Variants in NAT1 observed in about 807,000 individuals in gnomAD.
NAT1 encodes the protein N-acetyltransferase 1.
For missense variants in NAT1, 400 were observed against 339.2 expected, an observed-to-expected ratio of 1.18 and a Z score of -1.41; for synonymous variants, 144 against 122.6, an observed-to-expected ratio of 1.17 and a Z score of -1.16.
At chr8:18,204,574 A>G (rs985021523) in intron 2 of NAT1, among the ~76,000 whole-genome samples, 7 of 152,212 alleles carry the variant, frequency 4.6e-5, no homozygotes, top group African/African-American at 1.4e-4. Flanking sequence ...AGAACAAAAT[A>G]TATTTCAATC....
chr8:18,215,184 C>T (rs1254444498), intron 1 of NAT1, among the ~76,000 whole-genome samples: 1 of 152,148 alleles, frequency 6.6e-6, no homozygotes, highest in East Asian at 1.9e-4. Flanking sequence ...TGTATAAGTG[C>T]CACATTTTCT....
chr8:18,211,869 G>T (rs1804142993), intron 1 of NAT1, among the ~76,000 whole-genome samples: 1 of 152,178 alleles, frequency 6.6e-6, no homozygotes, highest in Non-Finnish European at 1.5e-5. Flanking sequence ...CCACTCATTG[G>T]CTCTCCTTGT....
chr8:18,218,087 T>A (rs1162191537), intron 1 of NAT1, among the ~76,000 whole-genome samples: 2 of 152,176 alleles, frequency 1.3e-5, no homozygotes, highest in African/African-American at 4.8e-5. Context: ...CTGGGGAAGC[T>A]AAAAGGAGTT....
At chr8:18,212,656 C>G (rs1250874470) in intron 1 of NAT1, 1 of 152,328 alleles carries the variant, frequency 6.6e-6, no homozygotes, top group African/African-American at 2.4e-5. Flanking sequence ...GGCAAAGCAG[C>G]TTCAGGAGCC....
chr8:18,173,984 T>C (rs991654362), intron 2 of NAT1, among the ~76,000 whole-genome samples: 9 of 152,134 alleles, frequency 5.9e-5, no homozygotes, highest in South Asian at 2.1e-4. Flanking sequence ...AGACAGTCTA[T>C]TGAGATGGAT....
intron 2 of NAT1, among the ~76,000 whole-genome samples, chr8:18,186,041 G>C (rs1802719144): frequency 1.3e-5 from 2 of 152,080 alleles, no homozygotes; most frequent in East Asian, 3.9e-4. Flanking sequence ...TTTGGAACTG[G>C]TTAACACTTG....
At chr8:18,179,275 T>A (rs1041920792) in intron 2 of NAT1, among the ~76,000 whole-genome samples, 11 of 152,164 alleles carry the variant, frequency 7.2e-5, no homozygotes, top group Admixed American at 7.2e-4. Flanking sequence ...TACTACATAA[T>A]CATTCACTTG....
At chr8:18,182,785 G>C (rs556525188) in intron 2 of NAT1, among the ~76,000 whole-genome samples, 2 of 151,974 alleles carry the variant, frequency 1.3e-5, no homozygotes, top group Non-Finnish European at 2.9e-5. Context: ...AAAAGTGTTG[G>C]GATTTAGATG....
At chr8:18,174,464 T>C (rs1802213100) in intron 2 of NAT1, among the ~76,000 whole-genome samples, 2 of 152,116 alleles carry the variant, frequency 1.3e-5, no homozygotes, top group Non-Finnish European at 2.9e-5. Flanking sequence ...TTCATAAAGA[T>C]ATTCAAGGAT....
At chr8:18,196,318 T>C (rs1272532775) in intron 2 of NAT1, among the ~76,000 whole-genome samples, 1 of 151,674 alleles carries the variant, frequency 6.6e-6, no homozygotes, top group African/African-American at 2.4e-5. Context: ...GCCCCAAGAA[T>C]AATGAGATCC....
chr8:18,180,873 C>T (rs992692982), intron 2 of NAT1, among the ~76,000 whole-genome samples: 1 of 152,042 alleles, frequency 6.6e-6, no homozygotes, highest in Non-Finnish European at 1.5e-5. Flanking sequence ...TGTGTCTGTT[C>T]TTATGCCAAT....
chr8:18,205,493 G>T (rs1029323229), upstream of NAT1, among the ~76,000 whole-genome samples: 6 of 152,180 alleles, frequency 3.9e-5, no homozygotes, highest in African/African-American at 1.4e-4. Flanking sequence ...CAAGAGTGGG[G>T]CACTGGCGGG....
intron 2 of NAT1, among the ~76,000 whole-genome samples, chr8:18,182,137 T>G (rs1483346337): frequency 2.0e-5 from 3 of 152,178 alleles, no homozygotes; most frequent in Non-Finnish European, 1.5e-5. Flanking sequence ...TTCTTGTTAT[T>G]ATGCTAAAAC....
intron 2 of NAT1, among the ~76,000 whole-genome samples, chr8:18,181,502 C>T (rs916859653): frequency 6.6e-6 from 1 of 152,156 alleles, no homozygotes; most frequent in Non-Finnish European, 1.5e-5. Context: ...AACACCATGT[C>T]ATCTGTAAAC....
At chr8:18,173,799 T>A in intron 2 of NAT1, among the ~76,000 whole-genome samples, 1 of 152,154 alleles carries the variant, frequency 6.6e-6, no homozygotes, top group East Asian at 1.9e-4. Flanking sequence ...AACAAGCAAA[T>A]ATTCTCGACT....
rs575389189 is a variant in NAT1, at chr8:18,204,659, G to T, written n.93-5122G>T. On this transcript the variant is annotated intron_variant and non_coding_transcript_variant, in intron 2 of 4. Coordinates refer to the NAT1 transcript ENST00000517441. ...TTATCTACGAATACAGATATAGACA[G>T]TTCAAAATTACTTCCCATGTTTTTC... 9.1e-4 allele frequency among the ~76,000 whole-genome samples: 139 copies of T among 152,168 alleles called. 2 individuals carry two copies. Among genetic ancestry groups the T allele is most frequent in the African/African-American group, 3.2e-3 (131 of 41,516 alleles).
chr8:18,203,606 G>A (rs28497133), intron 2 of NAT1, among the ~76,000 whole-genome samples: 10,014 of 152,224 alleles, frequency 0.066, 1,003 homozygotes, highest in African/African-American at 0.21. Flanking sequence ...CACTGGCCCA[G>A]TTGTGCCTCC....
chr8:18,171,200 G>A (rs1802085546), intron 2 of NAT1, among the ~76,000 whole-genome samples: 1 of 152,146 alleles, frequency 6.6e-6, no homozygotes, highest in Non-Finnish European at 1.5e-5. Context: ...GGTAGAGTTA[G>A]CCTTTCTAAA....
intron 2 of NAT1, among the ~76,000 whole-genome samples, chr8:18,201,551 A>G (rs1333146308): frequency 6.6e-6 from 1 of 152,192 alleles, no homozygotes; most frequent in Admixed American, 6.5e-5. Flanking sequence ...AAAAAAAAGA[A>G]AAAAGAAAAG....
Sources: allele counts gnomAD v4.1 joint callset (sites outside exome capture counted in the v4.1 genomes callset), GRCh38; gene constraint gnomAD v4.1.1; transcripts MANE v1.5; gene names NCBI Gene and HGNC (gene_info 2026-07-23, HGNC 2026-07-21).